MLLT1: variants seen among roughly 807,000 people sequenced by gnomAD.
MLLT1 encodes protein ENL.
A neutral mutation model predicts 55.1 loss-of-function variants in MLLT1; 11 were observed. The observed-to-expected ratio is 0.20, with a 90% CI of 0.13 to 0.33. The LOEUF (loss-of-function observed/expected upper bound fraction) is 0.33, where lower values mean the gene tolerates loss of function less well. Among genes scored for constraint, MLLT1 ranks in the 10% least tolerant of loss-of-function variants. The pLI, the probability that MLLT1 is intolerant of heterozygous loss-of-function variation, is 1.00. For synonymous variants in MLLT1, 323 were observed against 320.1 expected, an observed-to-expected ratio of 1.01 and a Z score of -0.10; for missense variants, 536 against 760.6, an observed-to-expected ratio of 0.70 and a Z score of 3.47.
At chr19:6,269,907 G>GC (rs2091381339) in intron 2 of MLLT1, among the ~76,000 whole-genome samples, 1 of 152,130 alleles carries the variant, frequency 6.6e-6, no homozygotes, top group African/African-American at 2.4e-5. Flanking sequence ...AGTAGACGCG[G>GC]CCCCAGCCCT....
chr19:6,249,635 G>C (rs61572044), intron 3 of MLLT1, among the ~76,000 whole-genome samples: 2,167 of 152,258 alleles, frequency 0.014, 59 homozygotes, highest in African/African-American at 0.049. Flanking sequence ...TGAAGAGCTG[G>C]AGCCCCCAGC....
At position 6,235,643 on chromosome 19, in the gene MLLT1, C is replaced by T. The variant is rs1349546968; in HGVS notation, c.277-4930G>A. Among the ~76,000 whole-genome samples, 1 of 152,122 alleles carries T rather than the reference C, an allele frequency of 6.6e-6. No individual in the cohort carries two copies. The highest frequency in any genetic ancestry group is 2.4e-5 in the African/African-American group (1 of 41,434). On this transcript the variant is annotated intron_variant, in intron 3 of 11. Transcript: ENST00000252674. This position sits in a 1 kb window ranked among gnomAD's most constrained non-coding sequence, Gnocchi z 5.5. ...CACCCTGGCTGCACAGCGAGTCCAG[C>T]CGCTTCTCCCAAGCTCCTCAGCCAG...
At position 6,260,454 on chromosome 19, in the gene MLLT1, C is replaced by T. The variant is rs111263932; in HGVS notation, c.276+1774G>A. 2.9e-3 allele frequency among the ~76,000 whole-genome samples: 438 copies of T among 152,334 alleles called. 1 individual carries two copies. Among genetic ancestry groups the T allele is most frequent in the African/African-American group, 0.01 (417 of 41,580 alleles). The stretch of plus-strand genomic sequence containing the variant: ...TATGGGTTTCTGCCACACTTGGGAG[C>T]GGCTGGCCTGCATCTCGCCTGAAGT... On this transcript the variant is annotated intron_variant, in intron 3 of 11. Coordinates refer to ENST00000252674, the MANE Select transcript of MLLT1 (RefSeq NM_005934.4).
At chr19:6,245,938 C>T (rs2091163927) in intron 3 of MLLT1, among the ~76,000 whole-genome samples, 1 of 151,896 alleles carries the variant, frequency 6.6e-6, no homozygotes, top group Non-Finnish European at 1.5e-5. Flanking sequence ...GTTGGCCGGT[C>T]ACAGTGGCTC....
rs1013726855 is a variant in MLLT1, at chr19:6,231,322, G to A, written c.277-609C>T. ...TGGGGCAGGCGCTGATGGATTTTCC[G>A]CACGAAGGTGTGAGGAGTTGACAGG... On this transcript the variant is annotated intron_variant, in intron 3 of 11. Transcript: ENST00000252674. The surrounding 1 kb of genome is among the most constrained non-coding windows in gnomAD (Gnocchi z 5.1). Among the ~76,000 whole-genome samples the A allele has an allele frequency of 6.6e-6, 1 of 152,172 alleles. No homozygotes were observed. Among genetic ancestry groups the A allele is most frequent in the Non-Finnish European group, 1.5e-5 (1 of 68,028 alleles).
chr19:6,263,806 C>T (rs994244255), intron 2 of MLLT1, among the ~76,000 whole-genome samples: 2 of 152,292 alleles, frequency 1.3e-5, no homozygotes, highest in East Asian at 1.9e-4. Flanking sequence ...AAGGAGGCGA[C>T]GGCTCAGAGT....
rs753234519 is a variant in MLLT1, at chr19:6,222,124, G to A, written c.1107C>T (p.Ser369=). Residue 369 remains serine (S), a synonymous_variant, in exon 6 of 12, where the codon TCC becomes TCT. Coordinates refer to ENST00000252674, the MANE Select transcript of MLLT1 (RefSeq NM_005934.4). The surrounding 1 kb of genome is among the most constrained non-coding windows in gnomAD (Gnocchi z 4.1). ...SNSEDEASFK[S]ESAQSSPSNS... Reference sequence around the variant, plus strand: ...CCTGCCCCCAGCACTCACTCACCTCGGACTTGAAGGAGGCCTCGTCCTCTG... The same window carrying A: ...CCTGCCCCCAGCACTCACTCACCTCAGACTTGAAGGAGGCCTCGTCCTCTG... 5.0e-5 allele frequency: 75 copies of A among 1,511,086 alleles called. No individual in the cohort carries two copies. Among genetic ancestry groups the A allele is most frequent in the Non-Finnish European group, 6.3e-5 (71 of 1,127,204 alleles). 93.6% of individuals were successfully genotyped at this position (1,511,086 alleles called of 1,614,324 possible).
At chr19:6,232,393 G>T (rs2091020096) in intron 3 of MLLT1, among the ~76,000 whole-genome samples, 1 of 152,214 alleles carries the variant, frequency 6.6e-6, no homozygotes, top group Non-Finnish European at 1.5e-5. Flanking sequence ...CCACCCGGGG[G>T]AGAATGGTGG....
rs1209342312 is a variant in MLLT1, at chr19:6,270,923, G to A, written c.13-164C>T. Among the ~76,000 whole-genome samples the A allele has an allele frequency of 2.6e-5, 4 of 152,042 alleles. No homozygotes were observed. The highest frequency in any genetic ancestry group is 7.2e-5 in the African/African-American group (3 of 41,394). On this transcript the variant is annotated intron_variant, in intron 1 of 11. Coordinates refer to ENST00000252674, the MANE Select transcript of MLLT1 (RefSeq NM_005934.4). This position sits in a 1 kb window ranked among gnomAD's most constrained non-coding sequence, Gnocchi z 7.1. ...CTTCCTATCGCGCCAGCACCTTGCC[G>A]CAGACGTCCCGTGCCTTCTCCCCTC...
At chr19:6,223,628 A>G (rs1221892517) in intron 5 of MLLT1, among the ~76,000 whole-genome samples, 3 of 152,188 alleles carry the variant, frequency 2.0e-5, no homozygotes, top group Non-Finnish European at 4.4e-5. Flanking sequence ...GCGAGCACAC[A>G]GTGTGGGGGC....
chr19:6,230,446 G>T lies in MLLT1; in HGVS notation c.420+124C>A. 8.3e-7 allele frequency: 1 copy of T among 1,198,270 alleles called. No homozygotes were observed. The highest frequency in any genetic ancestry group is 1.2e-6 in the Non-Finnish European group (1 of 866,392). The allele number at this position is 1,198,270 out of a possible 1,614,324, so 74.2% of individuals were successfully genotyped here. ...GTCCCCTCCAGCTCTGCTGGGTGCTGCCGTGTGACCTGCGCCTTGGGTCTC... is the reference window on the plus strand; with the variant it reads ...GTCCCCTCCAGCTCTGCTGGGTGCTTCCGTGTGACCTGCGCCTTGGGTCTC... On this transcript the variant is annotated intron_variant, in intron 4 of 11. Transcript: ENST00000252674. This position sits in a 1 kb window ranked among gnomAD's most constrained non-coding sequence, Gnocchi z 9.0.
rs1032680873 is a variant in MLLT1 at position 6,219,686 on chromosome 19, A to G, written c.1111-1645T>C. 6.6e-6 allele frequency among the ~76,000 whole-genome samples: 1 copy of G among 152,210 alleles called. No homozygotes were observed. Among genetic ancestry groups the G allele is most frequent in the Admixed American group, 6.5e-5 (1 of 15,290 alleles). Reference sequence around the variant, plus strand: ...AACCTGGAGGGAGGTGGACTGGAGAAGTATCCAAGGTCCTGGCCCCATATC... The same window carrying G: ...AACCTGGAGGGAGGTGGACTGGAGAGGTATCCAAGGTCCTGGCCCCATATC... On this transcript the variant is annotated intron_variant, in intron 6 of 11. Coordinates refer to ENST00000252674, the MANE Select transcript of MLLT1 (RefSeq NM_005934.4). The surrounding 1 kb of genome is among the most constrained non-coding windows in gnomAD (Gnocchi z 4.5).
chr19:6,238,703 C>T (rs2091085507), intron 3 of MLLT1, among the ~76,000 whole-genome samples: 1 of 152,262 alleles, frequency 6.6e-6, no homozygotes, highest in East Asian at 1.9e-4. Flanking sequence ...AAGTCCCCGC[C>T]ATGGAGCCCA....
In MLLT1 at chr19:6,266,440, C is replaced by A. The variant is rs531909983; in HGVS notation, c.194-4130G>T. On this transcript the variant is annotated intron_variant, in intron 2 of 11. Coordinates refer to ENST00000252674, the MANE Select transcript of MLLT1 (RefSeq NM_005934.4). ...TAGGACTCAAAGGGTTTACTGCCCA[C>A]GTCTTATAAATTTTTTTTGTTTGTT... is the stretch of plus-strand genomic sequence containing the variant. 3.9e-5 allele frequency among the ~76,000 whole-genome samples: 6 copies of A among 152,172 alleles called. 1 individual carries two copies. In the Middle Eastern group the frequency reaches 0.014, roughly 345 times the overall value.
chr19:6,259,816 A>AAAAAAAAAAC (rs1169497696), intron 3 of MLLT1: 5 of 151,704 alleles, frequency 3.3e-5, no homozygotes, highest in South Asian at 2.1e-4. Flanking sequence ...AAAAAAAAAA[A>AAAAAAAAAAC]AAAACAGAAA....
At chr19:6,255,030 G>C (rs575664181) in intron 3 of MLLT1, among the ~76,000 whole-genome samples, 3 of 148,982 alleles carry the variant, frequency 2.0e-5, no homozygotes, top group Non-Finnish European at 4.4e-5. Context: ...ATTCATTAAA[G>C]CTGCAGGGTA....
Position 6,239,303 on chromosome 19 carries a change from G to A in MLLT1, c.277-8590C>T, listed in dbSNP as rs10221547. Reference sequence around the variant, plus strand: ...CCCTGAAATCCCACGTCCAGGATGCGATCCGACCGAAATACCCACAGAGTA... The same window carrying A: ...CCCTGAAATCCCACGTCCAGGATGCAATCCGACCGAAATACCCACAGAGTA... On this transcript the variant is annotated intron_variant, in intron 3 of 11. Transcript: ENST00000252674. 2.6e-5 allele frequency among the ~76,000 whole-genome samples: 4 copies of A among 152,220 alleles called. No individual in the cohort carries two copies. The South Asian group carries it at 6.2e-4, about 24-fold the overall frequency.
At chr19:6,239,683 A>C (rs1422386143) in intron 3 of MLLT1, among the ~76,000 whole-genome samples, 1 of 151,822 alleles carries the variant, frequency 6.6e-6, no homozygotes, top group Non-Finnish European at 1.5e-5. Flanking sequence ...CCTGTGTACA[A>C]ACACACACAC....
At position 6,227,625 on chromosome 19, in the gene MLLT1, A is replaced by C. The variant is rs181490918; in HGVS notation, c.421-523T>G. Among the ~76,000 whole-genome samples the C allele has an allele frequency of 1.4e-4, 21 of 152,298 alleles. No individual in the cohort carries two copies. The highest frequency in any genetic ancestry group is 3.9e-4 in the Admixed American group (6 of 15,306). ...CAGCGGACCCGAACAGGGCAAGAGC[A>C]CCCAGGCTGAGGCCGAGACCAAGGC... On this transcript the variant is annotated intron_variant, in intron 4 of 11. Coordinates refer to ENST00000252674, the MANE Select transcript of MLLT1 (RefSeq NM_005934.4). This position sits in a 1 kb window ranked among gnomAD's most constrained non-coding sequence, Gnocchi z 5.1.
Sources: gnomAD v4.1 joint callset for allele counts (sites outside exome capture counted in the v4.1 genomes callset) on GRCh38, gnomAD v4.1.1 for gene constraint, Gnocchi (gnomAD v3.1) non-coding constraint, MANE v1.5 for transcripts, NCBI Gene and HGNC (gene_info 2026-07-23, HGNC 2026-07-21) for gene names.